GRIK1: variants seen among roughly 807,000 people sequenced by gnomAD.
The protein encoded by GRIK1 is glutamate receptor ionotropic, kainate 1.
Under a neutral mutation model 105.7 loss-of-function variants are expected in GRIK1, and 69 were observed. The observed-to-expected ratio is 0.65, with a 90% CI of 0.54 to 0.80. GRIK1 has a LOEUF of 0.80. GRIK1 is among the 30% of genes least tolerant of loss of function. The pLI is 0.00. For synonymous variants in GRIK1, 438 were observed against 431.3 expected, an observed-to-expected ratio of 1.02 and a Z score of -0.19; for missense variants, 1,109 against 1,167.3, an observed-to-expected ratio of 0.95 and a Z score of 0.73.
chr21:29,775,431 T>G (rs889862886), intron 1 of GRIK1, among the ~76,000 whole-genome samples: 4 of 152,102 alleles, frequency 2.6e-5, no homozygotes, highest in African/African-American at 9.7e-5. Flanking sequence ...CTGCTTCCTC[T>G]CTCCAGCTAC....
At chr21:29,852,037 T>A (rs752997809) in intron 1 of GRIK1, among the ~76,000 whole-genome samples, 47 of 152,206 alleles carry the variant, frequency 3.1e-4, no homozygotes, top group Non-Finnish European at 4.9e-4. Context: ...CAAGTCTGAC[T>A]ATTTCTCCTT....
chr21:29,677,148 T>A (rs1273602295), intron 3 of GRIK1, among the ~76,000 whole-genome samples: 1 of 152,160 alleles, frequency 6.6e-6, no homozygotes, highest in Non-Finnish European at 1.5e-5. Context: ...GTTTCTATAT[T>A]AAGAGAATGA....
chr21:29,594,832 A>G (rs767177018), intron 9 of GRIK1, among the ~76,000 whole-genome samples: 1 of 152,184 alleles, frequency 6.6e-6, no homozygotes, highest in Admixed American at 6.5e-5. Context: ...AACCTTATAT[A>G]ACAAATATTT....
rs145179474 is a variant in GRIK1, at chr21:29,688,066, C to T, written c.544+1662G>A. ...TAAAACATGATATTCTTTTTCAAAG[C>T]CCTTTAAAGTATGCGTGTGGATTTG... On this transcript the variant is annotated intron_variant, in intron 3 of 17. Transcript: ENST00000327783. Among the ~76,000 whole-genome samples the T allele has an allele frequency of 3.0e-3, 451 of 152,274 alleles. 5 individuals carry two copies. Among genetic ancestry groups the T allele is most frequent in the African/African-American group, 0.01 (432 of 41,550 alleles).
At chr21:29,611,244 T>G (rs1006326999) in intron 7 of GRIK1, among the ~76,000 whole-genome samples, 11 of 152,206 alleles carry the variant, frequency 7.2e-5, no homozygotes, top group Admixed American at 7.2e-4. Flanking sequence ...ACATGTGGAC[T>G]TAGATATTTT....
At chr21:29,624,333 A>C (rs939254388) in intron 7 of GRIK1, among the ~76,000 whole-genome samples, 1 of 152,190 alleles carries the variant, frequency 6.6e-6, no homozygotes, top group Non-Finnish European at 1.5e-5. Flanking sequence ...TTAGGTAATT[A>C]GATGTTAGTA....
At position 29,710,526 on chromosome 21, in the gene GRIK1, T is replaced by C. The variant is rs149653041; in HGVS notation, c.119-16463A>G. On this transcript the variant is annotated intron_variant, in intron 1 of 17. Transcript: ENST00000327783. ...CGATAAAATGAAAAACATTTTTCCT[T>C]AGTTATTGATATTTTTGAGTAGATG... Among the ~76,000 whole-genome samples the C allele has an allele frequency of 7.3e-3, 1,105 of 152,256 alleles. 16 individuals are homozygous for C. The highest frequency in any genetic ancestry group is 0.026 in the African/African-American group (1,060 of 41,568).
chr21:29,627,270 C>T (rs2062153040), intron 7 of GRIK1, among the ~76,000 whole-genome samples: 1 of 152,170 alleles, frequency 6.6e-6, no homozygotes, highest in Admixed American at 6.5e-5. Context: ...AAGTATTTTA[C>T]TTACGTTTGA....
chr21:29,894,055 A>T (rs1405265106), intron 1 of GRIK1, among the ~76,000 whole-genome samples: 6 of 152,206 alleles, frequency 3.9e-5, no homozygotes, highest in Non-Finnish European at 8.8e-5. Flanking sequence ...TGTAGGTTGC[A>T]CATGAGGAAT....
At chr21:29,676,213 T>G (rs2063263596) in intron 3 of GRIK1, among the ~76,000 whole-genome samples, 1 of 152,206 alleles carries the variant, frequency 6.6e-6, no homozygotes, top group Non-Finnish European at 1.5e-5. Context: ...CCTATTTTTC[T>G]CCTTTTGCCA....
intron 9 of GRIK1, among the ~76,000 whole-genome samples, chr21:29,592,330 A>G (rs1475795288): frequency 6.6e-6 from 1 of 152,122 alleles, no homozygotes; most frequent in Non-Finnish European, 1.5e-5. Flanking sequence ...CTGTCACAAA[A>G]CCAACCATGG....
intron 1 of GRIK1, among the ~76,000 whole-genome samples, chr21:29,936,322 A>T (rs924225479): frequency 6.6e-6 from 1 of 152,190 alleles, no homozygotes; most frequent in African/African-American, 2.4e-5. Context: ...CTAAAATTGC[A>T]TATGCACTTG....
intron 1 of GRIK1, among the ~76,000 whole-genome samples, chr21:29,765,534 CT>C (rs1028592907): frequency 2.0e-4 from 31 of 152,052 alleles, no homozygotes; most frequent in African/African-American, 6.5e-4. Context: ...CTGTAAAATT[CT>C]TTTCTTTCTA....
At chr21:29,779,766 A>G (rs1202926275) in intron 1 of GRIK1, among the ~76,000 whole-genome samples, 1 of 152,166 alleles carries the variant, frequency 6.6e-6, no homozygotes, top group Non-Finnish European at 1.5e-5. Flanking sequence ...ACTATGTGAT[A>G]ATATCGTTTT....
intron 7 of GRIK1, among the ~76,000 whole-genome samples, chr21:29,637,343 A>G (rs369778180): frequency 6.6e-6 from 1 of 152,140 alleles, no homozygotes; most frequent in East Asian, 1.9e-4. Flanking sequence ...TCCAGCTGGA[A>G]CCTAATCTGG....
chr21:29,810,541 C>T (rs1257020799), intron 1 of GRIK1, among the ~76,000 whole-genome samples: 2 of 152,078 alleles, frequency 1.3e-5, no homozygotes, highest in Non-Finnish European at 1.5e-5. Flanking sequence ...TTCCCATTTT[C>T]CTTCTTTAAA....
intron 1 of GRIK1, among the ~76,000 whole-genome samples, chr21:29,800,327 GA>G: frequency 6.6e-6 from 1 of 152,198 alleles, no homozygotes; most frequent in South Asian, 2.1e-4. Context: ...AAATCGAAAG[GA>G]AAACAACTTT....
intron 1 of GRIK1, among the ~76,000 whole-genome samples, chr21:29,820,465 T>C (rs901079991): frequency 1.3e-5 from 2 of 152,024 alleles, no homozygotes; most frequent in African/African-American, 4.8e-5. Context: ...CTCTTTCTGA[T>C]GAAAATTGTA....
At position 29,847,882 on chromosome 21, in the gene GRIK1, A is replaced by G. The variant is rs115537560; in HGVS notation, c.118+91501T>C. On this transcript the variant is annotated intron_variant, in intron 1 of 17. Transcript: ENST00000327783. ...CTTTGTTTTGTTTATTCAGGTTGCA[A>G]CACTATTGTTTCTCTCTTTCTCTCT... Among the ~76,000 whole-genome samples the G allele has an allele frequency of 3.1e-3, 470 of 151,574 alleles. 1 individual carries two copies. The highest frequency in any genetic ancestry group is 0.011 in the African/African-American group (460 of 41,304).
Sources: allele counts gnomAD v4.1 joint callset (sites outside exome capture counted in the v4.1 genomes callset), GRCh38; gene constraint gnomAD v4.1.1; transcripts MANE v1.5; gene names NCBI Gene and HGNC (gene_info 2026-07-23, HGNC 2026-07-21).